PRRC2B: variants seen among roughly 807,000 people sequenced by gnomAD.
The protein encoded by PRRC2B is proline rich coiled-coil 2B, also known as protein PRRC2B.
PRRC2B carries 68 observed loss-of-function variants against 242.3 expected under a neutral mutation model. That is an observed-to-expected ratio of 0.28 (90% CI 0.23 to 0.34). The LOEUF (loss-of-function observed/expected upper bound fraction) is 0.34, where lower values mean the gene tolerates loss of function less well. PRRC2B is among the 10% of genes least tolerant of loss of function. PRRC2B has a pLI of 1.00. For synonymous variants in PRRC2B, 1,228 were observed against 1,173.6 expected, an observed-to-expected ratio of 1.05 and a Z score of -0.95; for missense variants, 2,835 against 2,954.8, an observed-to-expected ratio of 0.96 and a Z score of 0.94.
In PRRC2B at chr9:131,448,914, T is replaced by G. The variant is rs1838920837; in HGVS notation, c.1120+1110T>G. On this transcript the variant is annotated intron_variant, in intron 9 of 31. Coordinates refer to ENST00000683519, the MANE Select transcript of PRRC2B (RefSeq NM_013318.4). ...TCCATATCCAGAGAAAGAGGGAACA[T>G]TTCCCTCACCACCGCAGGCTTCCTC... Among the ~76,000 whole-genome samples, 4 of 152,126 alleles carry G rather than the reference T, an allele frequency of 2.6e-5. 1 individual carries two copies. In the South Asian group the frequency reaches 8.3e-4, roughly 32 times the overall value.
chr9:131,465,100 C>CGA (rs749962679), intron 12 of PRRC2B, 22 bp downstream of exon 12: 1 of 1,583,162 alleles, frequency 6.3e-7, no homozygotes, highest in South Asian at 1.1e-5. Context: ...GCCGTCTTCC[C>CGA]ACCAACTGGA....
intron 1 of PRRC2B, among the ~76,000 whole-genome samples, chr9:131,414,046 A>G (rs571107521): frequency 6.6e-6 from 1 of 152,356 alleles, no homozygotes; most frequent in African/African-American, 2.4e-5. Flanking sequence ...TAAAAGCTGC[A>G]GTGATTAAGA....
intron 1 of PRRC2B, among the ~76,000 whole-genome samples, chr9:131,417,725 GC>G (rs1185362603): frequency 1.3e-5 from 2 of 152,166 alleles, no homozygotes; most frequent in Non-Finnish European, 2.9e-5. Context: ...TTAACCAGAA[GC>G]CCCCTGTATT....
chr9:131,464,739 A>G, intron 11 of PRRC2B, 24 bp from the exon 12 acceptor site: 4 of 1,553,534 alleles, frequency 2.6e-6, no homozygotes, highest in South Asian at 1.2e-5. Flanking sequence ...CCACCGCCTT[A>G]TCTCAGAGAC....
At chr9:131,413,328 C>T (rs1837553475) in intron 1 of PRRC2B, among the ~76,000 whole-genome samples, 1 of 152,186 alleles carries the variant, frequency 6.6e-6, no homozygotes, top group African/African-American at 2.4e-5. Context: ...CTGTTCCAGC[C>T]AATGGAAACT....
intron 2 of PRRC2B, among the ~76,000 whole-genome samples, chr9:131,431,591 T>G (rs1838174069): frequency 1.3e-5 from 2 of 149,638 alleles, no homozygotes; most frequent in Non-Finnish European, 3.0e-5. Context: ...AAGAATTTTT[T>G]TTTTTTTTTG....
chr9:131,471,070 C>G (rs1943532867), intron 14 of PRRC2B, 87 bp downstream of exon 14: 1 of 968,402 alleles, frequency 1.0e-6, no homozygotes, highest in Non-Finnish European at 1.5e-6. Flanking sequence ...AACAGATACA[C>G]CTGGATTTTG....
At chr9:131,435,000 A>T (rs1838299197) in intron 3 of PRRC2B, among the ~76,000 whole-genome samples, 1 of 152,146 alleles carries the variant, frequency 6.6e-6, no homozygotes, top group Non-Finnish European at 1.5e-5. Flanking sequence ...AAAGATATGT[A>T]TTAAAAAAAA....
Position 131,382,661 on chromosome 9 carries a change from A to T in PRRC2B, c.-56+8930A>T, listed in dbSNP as rs1471311933. Among the ~76,000 whole-genome samples the T allele has an allele frequency of 2.0e-5, 3 of 147,460 alleles. No homozygotes were observed. In the East Asian group the frequency reaches 6.0e-4, roughly 30 times the overall value. Reference sequence around the variant, plus strand: ...CCATTCCTTTTTTTTTTTTGGAGACAGAGTCTTGCTCTGTTGCCTGTCGCC... The same window carrying T: ...CCATTCCTTTTTTTTTTTTGGAGACTGAGTCTTGCTCTGTTGCCTGTCGCC... On this transcript the variant is annotated intron_variant, in intron 1 of 1. Coordinates refer to the PRRC2B transcript ENST00000682525.
At chr9:131,395,536 AC>A (rs1450770036) in intron 1 of PRRC2B, among the ~76,000 whole-genome samples, 1 of 152,038 alleles carries the variant, frequency 6.6e-6, no homozygotes, top group Non-Finnish European at 1.5e-5. Flanking sequence ...CGGGGCGTGC[AC>A]CCTCCACCTG....
intron 1 of PRRC2B, among the ~76,000 whole-genome samples, chr9:131,403,803 C>T (rs1837287607): frequency 6.6e-6 from 1 of 151,874 alleles, no homozygotes; most frequent in South Asian, 2.1e-4. Flanking sequence ...TAAATATGGC[C>T]TCATGTAGGG....
chr9:131,386,188 C>T (rs1428247119), intron 1 of PRRC2B, among the ~76,000 whole-genome samples: 2 of 150,124 alleles, frequency 1.3e-5, no homozygotes, highest in African/African-American at 4.9e-5. Flanking sequence ...ACATGTCTCA[C>T]TGCAGCCTCG....
rs1332910733 is a variant in PRRC2B at position 131,498,119 on chromosome 9, T to C, written c.*2245T>C. 6.6e-6 allele frequency: 1 copy of C among 152,164 alleles called. No individual in the cohort carries two copies. The highest frequency in any genetic ancestry group is 1.9e-4 in the East Asian group (1 of 5,190). 9.4% of individuals were successfully genotyped at this position (152,164 alleles called of 1,614,324 possible). On this transcript the variant is annotated 3_prime_UTR_variant, in exon 32 of 32. Transcript: ENST00000683519. ...AACCTGGTATCAGACCCACAGTACTTGCTGTTTGAGAAAAAATAAAAACAA... is the reference window on the plus strand; with the variant it reads ...AACCTGGTATCAGACCCACAGTACTCGCTGTTTGAGAAAAAATAAAAACAA...
Position 131,499,187 on chromosome 9 carries a change from CCCT to C in PRRC2B, c.*3317_*3319del, listed in dbSNP as rs763850080. 2.0e-5 allele frequency: 3 copies of C among 152,222 alleles called. No homozygotes were observed. Among genetic ancestry groups the C allele is most frequent in the Non-Finnish European group, 2.9e-5 (2 of 68,052 alleles). 9.4% of individuals were successfully genotyped at this position (152,222 alleles called of 1,614,324 possible). The stretch of plus-strand genomic sequence containing the variant: ...TCAGTGCTCTCCAGCCGTGCTGTCA[CCCT>C]CCTATCTTCTGGATCTGCCTTCGCG... On this transcript the variant is annotated 3_prime_UTR_variant, in exon 32 of 32. Transcript: ENST00000683519.
chr9:131,438,408 C>T (rs758897872), intron 4 of PRRC2B, among the ~76,000 whole-genome samples: 10 of 152,076 alleles, frequency 6.6e-5, no homozygotes, highest in Non-Finnish European at 1.5e-4. Context: ...GGGTGTGCTT[C>T]GCATAATGCT....
At chr9:131,485,883 C>T (rs147612469) in intron 25 of PRRC2B, 8 of 715,908 alleles carry the variant, frequency 1.1e-5, no homozygotes, top group African/African-American at 6.9e-5. Flanking sequence ...ACCCTCCCTA[C>T]GTTCCCTGAG....
intron 8 of PRRC2B, 108 bp from the exon 9 acceptor site, chr9:131,447,553 AT>A: frequency 8.9e-7 from 1 of 1,128,896 alleles, no homozygotes; most frequent in Non-Finnish European, 1.2e-6. Context: ...GATAGAAATA[AT>A]TAAATCAAAC....
intron 19 of PRRC2B, 62 bp from the exon 20 acceptor site, chr9:131,481,664 C>T: frequency 7.6e-7 from 1 of 1,309,428 alleles, no homozygotes; most frequent in Non-Finnish European, 1.1e-6. Flanking sequence ...TCTTTAAGAG[C>T]TCATAAACTC....
At chr9:131,407,747 T>A (rs1360781302) in intron 1 of PRRC2B, among the ~76,000 whole-genome samples, 8 of 152,194 alleles carry the variant, frequency 5.3e-5, no homozygotes, top group Admixed American at 2.6e-4. Context: ...AACGTCTCTA[T>A]AGCAGCAAAC....
Sources: allele counts gnomAD v4.1 joint callset (sites outside exome capture counted in the v4.1 genomes callset), GRCh38; gene constraint gnomAD v4.1.1; transcripts MANE v1.5; gene names NCBI Gene and HGNC (gene_info 2026-07-23, HGNC 2026-07-21).